ZDHHC19: variants seen among roughly 807,000 people sequenced by gnomAD.
ZDHHC19 encodes the protein zDHHC palmitoyltransferase 19.
Under a neutral mutation model 33.9 loss-of-function variants are expected in ZDHHC19, and 30 were observed. That is an observed-to-expected ratio of 0.88 (90% CI 0.66 to 1.20). The LOEUF (loss-of-function observed/expected upper bound fraction) is 1.20, where lower values mean the gene tolerates loss of function less well. Among genes scored for constraint, ZDHHC19 ranks in the 50% most tolerant of loss-of-function variants. The pLI is 0.00. For synonymous variants in ZDHHC19, 178 were observed against 167.6 expected (o/e 1.06, Z -0.48); for missense variants, 364 against 401.1 (o/e 0.91, Z 0.79).
chr3:196,211,072 C>T (rs1723263557), intron 1 of ZDHHC19, 98 bp downstream of exon 1: 2 of 1,576,242 alleles, frequency 1.3e-6, no homozygotes, highest in East Asian at 2.3e-5. Flanking sequence ...CCTGACCTCT[C>T]CCCCGGTCTT....
At position 196,211,307 on chromosome 3, in the gene ZDHHC19, GAGTGTC is replaced by G. The variant is rs751150614; in HGVS notation, c.3_8del (p.MetThrLeu1_?3). 1.4e-4 allele frequency: 228 copies of G among 1,611,292 alleles called. 1 individual carries two copies. Among genetic ancestry groups the G allele is most frequent in the African/African-American group, 8.8e-4 (66 of 74,994 alleles). ...TCACCAGCGGCGTGGCATCCGTTAA[GAGTGTC>G]ATGGCTGGGCCTCCTTCGCCTCCAG... is the stretch of plus-strand genomic sequence containing the variant. On this transcript the variant is annotated start_lost and inframe_deletion, in exon 1 of 8. Coordinates refer to ENST00000296326, the MANE Select transcript of ZDHHC19 (RefSeq NM_001039617.2).
intron 5 of ZDHHC19, among the ~76,000 whole-genome samples, chr3:196,206,677 TTC>T (rs1418623096): frequency 1.7e-5 from 2 of 117,658 alleles, no homozygotes; most frequent in South Asian, 3.0e-4. Flanking sequence ...TTCTTTTCTT[TTC>T]TTTTTTTTTT....
chr3:196,198,477 G>A (rs371091909), intron 6 of ZDHHC19, 26 bp from the exon 7 acceptor site: 3 of 1,594,106 alleles, frequency 1.9e-6, no homozygotes, highest in Non-Finnish European at 2.6e-6. Context: ...CCAGATGCAG[G>A]GGCCACCGTC....
intron 5 of ZDHHC19, among the ~76,000 whole-genome samples, chr3:196,205,924 C>T (rs1158250280): frequency 3.9e-5 from 6 of 151,954 alleles, no homozygotes; most frequent in African/African-American, 1.5e-4. Context: ...CTCGGCCTCC[C>T]AAAGTGCTGG....
intron 5 of ZDHHC19, among the ~76,000 whole-genome samples, chr3:196,204,359 A>G (rs539670786): frequency 2.6e-5 from 4 of 152,356 alleles, no homozygotes; most frequent in African/African-American, 9.6e-5. Context: ...ACACAAAATA[A>G]GGATGAAAGA....
chr3:196,203,098 A>G lies in ZDHHC19; in HGVS notation c.688-4224T>C, dbSNP rs957458949. On this transcript the variant is annotated intron_variant, in intron 5 of 7. Coordinates refer to ENST00000296326, the MANE Select transcript of ZDHHC19 (RefSeq NM_001039617.2). The surrounding 1 kb of genome is among the most constrained non-coding windows in gnomAD (Gnocchi z 4.3). Reference sequence around the variant, plus strand: ...AACATGGTGAAACCCCGTCTCTACTAAAAATACAAAAAATCAGGTGGGCAT... The same window carrying G: ...AACATGGTGAAACCCCGTCTCTACTGAAAATACAAAAAATCAGGTGGGCAT... 6.6e-6 allele frequency among the ~76,000 whole-genome samples: 1 copy of G among 151,986 alleles called. No individual in the cohort carries two copies. The highest frequency in any genetic ancestry group is 1.5e-5 in the Non-Finnish European group (1 of 67,992).
At chr3:196,210,852 A>C in intron 1 of ZDHHC19, 115 bp from the exon 2 acceptor site, 1 of 1,447,286 alleles carries the variant, frequency 6.9e-7, no homozygotes, top group Non-Finnish European at 9.2e-7. Context: ...CTAAAAATCC[A>C]GGCTCCAAAT....
At position 196,207,390 on chromosome 3, in the gene ZDHHC19, C is replaced by A; in HGVS notation, c.687+8G>T. On this transcript the variant is annotated splice_region_variant and intron_variant, in intron 5 of 7. Coordinates refer to ENST00000296326, the MANE Select transcript of ZDHHC19 (RefSeq NM_001039617.2). ...AGGTGCAAGCTGACCACCCGCGGCC[C>A]CGCGTACCTTGCCCTTGTAGGTGCG... is the stretch of plus-strand genomic sequence containing the variant. The A allele has an allele frequency of 6.4e-7, 1 of 1,552,700 alleles. No individual in the cohort carries two copies. Among genetic ancestry groups the A allele is most frequent in the South Asian group, 1.2e-5 (1 of 84,164 alleles).
At chr3:196,201,808 G>T (rs780762316) in intron 5 of ZDHHC19, among the ~76,000 whole-genome samples, 2 of 152,170 alleles carry the variant, frequency 1.3e-5, no homozygotes, top group Non-Finnish European at 2.9e-5. Context: ...CTCCTGCTCC[G>T]ATTCTGTGTC....
intron 5 of ZDHHC19, among the ~76,000 whole-genome samples, chr3:196,199,814 G>T (rs7622459): frequency 1.3e-5 from 2 of 151,236 alleles, no homozygotes; most frequent in African/African-American, 4.9e-5. Context: ...GCGTGGTGGC[G>T]GGTGCCTGTG....
chr3:196,206,746 T>C (rs1432155725), intron 5 of ZDHHC19, among the ~76,000 whole-genome samples: 1 of 149,934 alleles, frequency 6.7e-6, no homozygotes, highest in Non-Finnish European at 1.5e-5. Context: ...CATGGTACGA[T>C]CTGGGCTCAC....
In ZDHHC19 at chr3:196,203,777, A is replaced by G. The variant is rs1722536097; in HGVS notation, c.687+3621T>C. On this transcript the variant is annotated intron_variant, in intron 5 of 7. Transcript: ENST00000296326. The surrounding 1 kb of genome is among the most constrained non-coding windows in gnomAD (Gnocchi z 4.3). ...CTGAGGCTGGGGAGGGTCCACATGC[A>G]GACCAGAGCGGGCTGATGAGGAAGG... Among the ~76,000 whole-genome samples the G allele has an allele frequency of 6.6e-6, 1 of 152,198 alleles. No individual in the cohort carries two copies. Among genetic ancestry groups the G allele is most frequent in the Non-Finnish European group, 1.5e-5 (1 of 68,030 alleles).
At chr3:196,208,676 A>C in intron 3 of ZDHHC19, 116 bp from the exon 4 acceptor site, 1 of 1,186,232 alleles carries the variant, frequency 8.4e-7, no homozygotes, top group Non-Finnish European at 1.2e-6. Flanking sequence ...TGGCCCATGC[A>C]CTGGCTTCCA....
chr3:196,198,679 A>G, intron 6 of ZDHHC19, 110 bp downstream of exon 6: 1 of 1,593,530 alleles, frequency 6.3e-7, no homozygotes, highest in Non-Finnish European at 8.5e-7. Flanking sequence ...ACCCCAGAGG[A>G]GCAGGAACAG....
chr3:196,210,757 C>G lies in ZDHHC19; in HGVS notation c.147-20G>C, dbSNP rs766921567. On this transcript the variant is annotated intron_variant, in intron 1 of 7. Coordinates refer to ENST00000296326, the MANE Select transcript of ZDHHC19 (RefSeq NM_001039617.2). ...CTGCAACTGAGACCAGAGGCAGGCT[C>G]GGTCCTGAGCAGGGGCAGCCCAAAG... 7.5e-6 allele frequency: 12 copies of G among 1,610,438 alleles called. No individual in the cohort carries two copies. In the East Asian group the frequency reaches 1.6e-4, roughly 21 times the overall value.
chr3:196,207,742 C>CG lies in ZDHHC19; in HGVS notation c.582-240_582-239insC. Among the ~76,000 whole-genome samples the CG allele has an allele frequency of 1.3e-4, 2 of 15,222 alleles. 1 individual carries two copies. Among genetic ancestry groups the CG allele is most frequent in the African/African-American group, 7.0e-4 (2 of 2,850 alleles). The allele number at this position is 15,222 out of a possible 152,430, so 10.0% of individuals were successfully genotyped here. A position where few individuals can be genotyped will look rare whatever the true frequency, so the allele number is the denominator to read the frequency against. ...GCCCCGAGCCCCGCCCCGCCCCTGG[C>CG]CCCGCCCCTCAGGCCCGACTCCGCC... On this transcript the variant is annotated intron_variant, in intron 4 of 7. Transcript: ENST00000296326.
At chr3:196,202,716 G>C (rs1391596894) in intron 5 of ZDHHC19, among the ~76,000 whole-genome samples, 3 of 152,252 alleles carry the variant, frequency 2.0e-5, no homozygotes, top group African/African-American at 7.2e-5. Flanking sequence ...GGTCCGGAAA[G>C]AGTAGTATGA....
chr3:196,200,501 C>G (rs1270056665), intron 5 of ZDHHC19, among the ~76,000 whole-genome samples: 2 of 149,856 alleles, frequency 1.3e-5, no homozygotes, highest in Admixed American at 6.6e-5. Context: ...ATTACAGGTG[C>G]TCGCCACCAC....
rs1723219007 is a variant in ZDHHC19, at chr3:196,210,635, G to A, written c.249C>T (p.Asp83=). 2.5e-6 allele frequency: 4 copies of A among 1,613,962 alleles called. No homozygotes were observed. The highest frequency in any genetic ancestry group is 3.4e-6 in the Non-Finnish European group (4 of 1,179,986). ...FFSLVSLNFS[D]PGILHQGSAE... ...CCTCACCTTGATGTAAGATGCCAGG[G>A]TCTGAGAAGTTGAGTGAAACAAGAC... Residue 83 remains aspartate, a synonymous_variant, in exon 2 of 8, where the codon GAC becomes GAT. Transcript: ENST00000296326.
Sources: allele counts gnomAD v4.1 joint callset (sites outside exome capture counted in the v4.1 genomes callset), GRCh38; gene constraint gnomAD v4.1.1; non-coding constraint Gnocchi (gnomAD v3.1); transcripts MANE v1.5; gene names NCBI Gene and HGNC (gene_info 2026-07-23, HGNC 2026-07-21).